CCNJL: variants seen among roughly 807,000 people sequenced by gnomAD.
The protein encoded by CCNJL is cyclin J like.
In CCNJL, 33 loss-of-function variants were observed where a neutral mutation model predicts 33.4. The observed-to-expected ratio is 0.99, with a 90% confidence interval of 0.75 to 1.32. CCNJL has a LOEUF of 1.32. Ranked by LOEUF, CCNJL falls within the 40% of genes most tolerant of loss-of-function variation. CCNJL has a pLI of 0.00. For missense variants in CCNJL, 512 were observed against 499.7 expected (o/e 1.02, Z -0.23); for synonymous variants, 227 against 220.9 (o/e 1.03, Z -0.24).
intron 2 of CCNJL, among the ~76,000 whole-genome samples, chr5:160,282,200 CTCATTCATTCAT>C (rs370470217): frequency 6.6e-6 from 1 of 152,136 alleles, no homozygotes; most frequent in African/African-American, 2.4e-5. Flanking sequence ...GGGATATCTG[CTCATTCATTCAT>C]TCATTCATTC....
At chr5:160,260,278 T>A (rs1302610303) in intron 3 of CCNJL, among the ~76,000 whole-genome samples, 1 of 152,158 alleles carries the variant, frequency 6.6e-6, no homozygotes, top group East Asian at 1.9e-4. Flanking sequence ...CTTCCCGCTA[T>A]CCTGGCTATT....
At chr5:160,320,821 CT>C (rs1276179248) in intron 1 of CCNJL, among the ~76,000 whole-genome samples, 1 of 108,506 alleles carries the variant, frequency 9.2e-6, no homozygotes, top group Admixed American at 9.4e-5. Flanking sequence ...TTCTTTCTTT[CT>C]TTCTTTCTTT....
intron 2 of CCNJL, among the ~76,000 whole-genome samples, chr5:160,301,843 C>A (rs1250995797): frequency 6.6e-6 from 1 of 151,838 alleles, no homozygotes; most frequent in Non-Finnish European, 1.5e-5. Flanking sequence ...AATTCTCCTG[C>A]CTCAGCCTCC....
At chr5:160,288,157 A>C (rs73308686) in intron 2 of CCNJL, among the ~76,000 whole-genome samples, 3,119 of 152,234 alleles carry the variant, frequency 0.02, 96 homozygotes, top group African/African-American at 0.069. Flanking sequence ...GCTAGAAAAA[A>C]CTTAGAAAAG....
chr5:160,277,754 T>TTA (rs2113338749), intron 3 of CCNJL, among the ~76,000 whole-genome samples: 1 of 151,282 alleles, frequency 6.6e-6, no homozygotes, highest in East Asian at 1.9e-4. Context: ...GTTTTTTTTT[T>TTA]TTTTTTTTGA....
rs1175904841 is a variant in CCNJL, at chr5:160,259,538, TG to T, written c.513del (p.Thr172ProfsTer18). On this transcript the variant is annotated frameshift_variant, in exon 4 of 6. Coordinates refer to ENST00000257536, the MANE Select transcript of CCNJL (RefSeq NM_001308173.3). LOFTEE classifies it high-confidence loss of function. ...CACTCTTTGGTCTTGCGGGGGCAGG[TG>T]GTGGGCCAGGTGTGGCAGTGGTGGT... is the stretch of plus-strand genomic sequence containing the variant. Reference protein sequence around the residue: ...QKDHHCHTWPTTCPRKTKECL... With the variant: ...QKDHHCHTWPXTCPRKTKECL... The T allele has an allele frequency of 1.1e-5, 17 of 1,614,010 alleles. No homozygotes were observed. The highest frequency in any genetic ancestry group is 1.4e-5 in the Non-Finnish European group (16 of 1,179,978).
rs543694083 is a variant in CCNJL, at chr5:160,257,058, G to A, written c.584-1350C>T. 4.5e-4 allele frequency among the ~76,000 whole-genome samples: 69 copies of A among 152,124 alleles called. 1 individual carries two copies. The highest frequency in any genetic ancestry group is 5.5e-4 in the African/African-American group (23 of 41,488). On this transcript the variant is annotated intron_variant, in intron 4 of 5. Coordinates refer to ENST00000257536, the MANE Select transcript of CCNJL (RefSeq NM_001308173.3). ...AGGGTGCTAACAGGGTGATACAAAC[G>A]ATCATTCAGTCAGACTCCCAAGGTT...
rs1172305576 is a variant in CCNJL, at chr5:160,283,006, TATAC to T, written c.67-2272_67-2269del. On this transcript the variant is annotated intron_variant, in intron 2 of 5. Coordinates refer to ENST00000257536, the MANE Select transcript of CCNJL (RefSeq NM_001308173.3). ...ATATATATATATATATATATATATA[TATAC>T]ATATATATATATATATACCTAAGAG... 1.1e-3 allele frequency among the ~76,000 whole-genome samples: 61 copies of T among 57,506 alleles called. 1 individual carries two copies. Among genetic ancestry groups the T allele is most frequent in the South Asian group, 1.6e-3 (2 of 1,272 alleles). 37.7% of individuals were successfully genotyped at this position (57,506 alleles called of 152,430 possible). A position where few individuals can be genotyped will look rare whatever the true frequency, so the allele number is the denominator to read the frequency against.
chr5:160,308,012 G>A (rs191207381), intron 2 of CCNJL, among the ~76,000 whole-genome samples: 49 of 152,280 alleles, frequency 3.2e-4, no homozygotes, highest in African/African-American at 1.1e-3. Flanking sequence ...GATTTTTGGT[G>A]AACTAGTCCC....
intron 3 of CCNJL, among the ~76,000 whole-genome samples, chr5:160,278,408 C>T (rs1366792750): frequency 6.6e-6 from 1 of 152,142 alleles, no homozygotes; most frequent in African/African-American, 2.4e-5. Flanking sequence ...TAGCAGATCT[C>T]CAAACTTCCC....
intron 1 of CCNJL, among the ~76,000 whole-genome samples, chr5:160,331,221 T>C (rs1310649280): frequency 6.8e-6 from 1 of 147,426 alleles, no homozygotes; most frequent in Non-Finnish European, 1.5e-5. Context: ...TTTCTTTCTT[T>C]CTTTTTTTTT....
chr5:160,284,606 C>T (rs1762346537), intron 2 of CCNJL, among the ~76,000 whole-genome samples: 1 of 152,188 alleles, frequency 6.6e-6, no homozygotes, highest in Non-Finnish European at 1.5e-5. Flanking sequence ...GGCCTGCCTC[C>T]TGAAAGTGAG....
At chr5:160,298,118 C>G (rs1581000537) in intron 2 of CCNJL, among the ~76,000 whole-genome samples, 2 of 152,310 alleles carry the variant, frequency 1.3e-5, no homozygotes, top group East Asian at 3.9e-4. Flanking sequence ...AAGGGGGACT[C>G]TGGTCAAACA....
intron 2 of CCNJL, among the ~76,000 whole-genome samples, chr5:160,283,783 C>T (rs1762322081): frequency 6.6e-6 from 1 of 152,146 alleles, no homozygotes; most frequent in Non-Finnish European, 1.5e-5. Context: ...ACTACCCTTC[C>T]CAGCCTTTGG....
chr5:160,312,481 A>T lies in CCNJL; in HGVS notation c.-167T>A, dbSNP rs1454779454. Reference sequence around the variant, plus strand: ...TCGTCCGAGGCGCTCCGCACTCCCGACGGCCGCCTCCGCAGCCCGACTAGC... The same window carrying T: ...TCGTCCGAGGCGCTCCGCACTCCCGTCGGCCGCCTCCGCAGCCCGACTAGC... On this transcript the variant is annotated 5_prime_UTR_variant, in exon 1 of 6. Transcript: ENST00000257536. The T allele has an allele frequency of 6.6e-6, 1 of 151,582 alleles. No individual in the cohort carries two copies. The highest frequency in any genetic ancestry group is 1.5e-5 in the Non-Finnish European group (1 of 67,868). The allele number at this position is 151,582 out of a possible 1,614,324, so 9.4% of individuals were successfully genotyped here.
At chr5:160,278,099 G>A (rs926793582) in intron 3 of CCNJL, among the ~76,000 whole-genome samples, 2 of 152,126 alleles carry the variant, frequency 1.3e-5, no homozygotes, top group African/African-American at 4.8e-5. Flanking sequence ...TAGAGATGGG[G>A]TTTCTCCATG....
intron 1 of CCNJL, among the ~76,000 whole-genome samples, chr5:160,324,040 C>A (rs1232569639): frequency 6.6e-6 from 1 of 152,198 alleles, no homozygotes; most frequent in Non-Finnish European, 1.5e-5. Flanking sequence ...AGCTTGCCAA[C>A]TACAGATCTT....
At chr5:160,299,579 A>G (rs1222035383) in intron 2 of CCNJL, among the ~76,000 whole-genome samples, 1 of 151,636 alleles carries the variant, frequency 6.6e-6, no homozygotes, top group Non-Finnish European at 1.5e-5. Context: ...ATTGGTAATT[A>G]TTTTAGGTGT....
chr5:160,284,524 C>T (rs559283548), intron 2 of CCNJL, among the ~76,000 whole-genome samples: 77 of 152,322 alleles, frequency 5.1e-4, no homozygotes, highest in Non-Finnish European at 5.9e-4. Context: ...GAATTCCAAA[C>T]TGTGATGAAC....
Sources: gnomAD v4.1 joint callset for allele counts (sites outside exome capture counted in the v4.1 genomes callset) on GRCh38, gnomAD v4.1.1 for gene constraint, MANE v1.5 for transcripts, NCBI Gene and HGNC (gene_info 2026-07-23, HGNC 2026-07-21) for gene names.